The following MSH4 variants were observed in gnomAD, a reference collection of about 807,000 sequenced individuals.
MSH4 encodes mutS homolog 4.
Under a neutral mutation model 113.7 loss-of-function variants are expected in MSH4, and 106 were observed. That is an observed-to-expected ratio of 0.93 (90% CI 0.80 to 1.10). MSH4 has a LOEUF of 1.10. Ranked by LOEUF, MSH4 falls within the 50% of genes least tolerant of loss-of-function variation. The probability of loss-of-function intolerance (pLI) is 0.00; values close to 1 mark genes in which losing one functional copy is unlikely to be tolerated. For missense variants in MSH4, 1,061 were observed against 1,093.7 expected (o/e 0.97, Z 0.42); for synonymous variants, 368 against 380.2 (o/e 0.97, Z 0.37).
At chr1:75,884,923 C>A (rs993233154) in intron 15 of MSH4, among the ~76,000 whole-genome samples, 4 of 149,514 alleles carry the variant, frequency 2.7e-5, no homozygotes, top group Non-Finnish European at 5.9e-5. Context: ...CATAATACTT[C>A]GATTTGAATT....
intron 15 of MSH4, among the ~76,000 whole-genome samples, chr1:75,887,728 A>G (rs1003036540): frequency 4.6e-5 from 7 of 152,100 alleles, no homozygotes; most frequent in Admixed American, 3.3e-4. Context: ...AAATTAGCAA[A>G]TTGTCCCCAC....
chr1:75,840,805 C>A (rs61770533), intron 7 of MSH4, among the ~76,000 whole-genome samples: 1 of 151,928 alleles, frequency 6.6e-6, no homozygotes, highest in Non-Finnish European at 1.5e-5. Context: ...TATATCTGTC[C>A]TCAAGGACCT....
chr1:75,843,275 G>A (rs1004933754), intron 7 of MSH4, among the ~76,000 whole-genome samples: 5 of 152,130 alleles, frequency 3.3e-5, no homozygotes, highest in Non-Finnish European at 7.3e-5. Flanking sequence ...GGTCATAGTG[G>A]TCCCCTGGCC....
intron 4 of MSH4, 87 bp downstream of exon 4, chr1:75,810,894 C>G (rs1413725176): frequency 1.6e-6 from 1 of 622,056 alleles, no homozygotes; most frequent in Non-Finnish European, 2.5e-6. Context: ...TTTTTTGAGA[C>G]AGAGTTTCAC....
rs1166604169 is a variant in MSH4, at chr1:75,890,687, A to G, written c.2227-9A>G. On this transcript the variant is annotated splice_polypyrimidine_tract_variant and intron_variant, in intron 16 of 19. Coordinates refer to ENST00000263187, the MANE Select transcript of MSH4 (RefSeq NM_002440.4). Reference sequence around the variant, plus strand: ...TACAATGAATAAATATTAAAATTATATATTTCAGATAGCATATATTCTACA... The same window carrying G: ...TACAATGAATAAATATTAAAATTATGTATTTCAGATAGCATATATTCTACA... 1.4e-6 allele frequency: 2 copies of G among 1,397,478 alleles called. No individual in the cohort carries two copies. The highest frequency in any genetic ancestry group is 2.0e-6 in the Non-Finnish European group (2 of 1,022,280). 86.6% of individuals were successfully genotyped at this position (1,397,478 alleles called of 1,614,324 possible).
rs1557521550 is a variant in MSH4 at position 75,881,291 on chromosome 1, C to T, written c.1827C>T (p.Cys609=). 1.9e-6 allele frequency: 3 copies of T among 1,608,314 alleles called. No homozygotes were observed. The highest frequency in any genetic ancestry group is 2.6e-6 in the Non-Finnish European group (3 of 1,175,874). ...LLSEIYEHIH[C]LYKLSDTVSM... ...GTGAGATTTATGAACATATTCATTGCTTATATAAACTATCTGACACTGTGT... is the reference window on the plus strand; with the variant it reads ...GTGAGATTTATGAACATATTCATTGTTTATATAAACTATCTGACACTGTGT... Residue 609 remains cysteine (C), a synonymous_variant, in exon 14 of 20, where the codon TGC becomes TGT. Transcript: ENST00000263187.
intron 2 of MSH4, among the ~76,000 whole-genome samples, chr1:75,806,235 G>GTTTTTTTT (rs775023850): frequency 1.6e-5 from 1 of 60,748 alleles, no homozygotes; most frequent in African/African-American, 7.5e-5. Context: ...TTTCTGTTTG[G>GTTTTTTTT]TTTTTTTTTT....
In MSH4 at chr1:75,812,812, C is replaced by G. The variant is rs1020105249; in HGVS notation, c.699+2005C>G. Among the ~76,000 whole-genome samples, 8 of 152,224 alleles carry G rather than the reference C, an allele frequency of 5.3e-5. No homozygotes were observed. In the East Asian group the frequency reaches 1.5e-3, roughly 29 times the overall value. On this transcript the variant is annotated intron_variant, in intron 4 of 19. Coordinates refer to ENST00000263187, the MANE Select transcript of MSH4 (RefSeq NM_002440.4). ...ATTTTTAGGTGTTAAGTGGAATAAA[C>G]AGTAAATTTTTTTTGGCAGCCTGAG...
At chr1:75,903,688 C>G (rs533705959) in intron 19 of MSH4, among the ~76,000 whole-genome samples, 1 of 152,092 alleles carries the variant, frequency 6.6e-6, no homozygotes, top group South Asian at 2.1e-4. Context: ...TCTTCCAGTC[C>G]ATAAATGGGA....
chr1:75,861,570 G>A lies in MSH4; in HGVS notation c.1231-5944G>A, dbSNP rs144609038. On this transcript the variant is annotated intron_variant, in intron 8 of 19. Transcript: ENST00000263187. ...TTGCTGGAAGTCCACTCCAGACCCT[G>A]TTTGCCTGGATATCACCAGCAGAGG... Among the ~76,000 whole-genome samples, 893 of 152,296 alleles carry A rather than the reference G, an allele frequency of 5.9e-3. 7 individuals are homozygous for A. The highest frequency in any genetic ancestry group is 7.2e-3 in the Non-Finnish European group (490 of 68,026).
intron 4 of MSH4, among the ~76,000 whole-genome samples, chr1:75,814,810 G>A (rs1006181589): frequency 2.0e-5 from 3 of 152,014 alleles, no homozygotes; most frequent in Non-Finnish European, 2.9e-5. Context: ...AATCTCATAA[G>A]AGTAAGGTCT....
intron 18 of MSH4, among the ~76,000 whole-genome samples, chr1:75,899,009 G>A (rs187977590): frequency 1.1e-4 from 16 of 152,148 alleles, no homozygotes; most frequent in Admixed American, 7.2e-4. Flanking sequence ...AATTACTAAC[G>A]TCTCAATAAA....
intron 7 of MSH4, among the ~76,000 whole-genome samples, chr1:75,833,979 T>C (rs980716502): frequency 6.6e-6 from 1 of 152,060 alleles, no homozygotes. Flanking sequence ...AAAGAAACTA[T>C]CATCAGAGTG....
At position 75,808,628 on chromosome 1, in the gene MSH4, A is replaced by T. The variant is rs1396442210; in HGVS notation, c.588+1487A>T. Among the ~76,000 whole-genome samples, 27 of 152,128 alleles carry T rather than the reference A, an allele frequency of 1.8e-4. 1 individual carries two copies. The highest frequency in any genetic ancestry group is 4.4e-5 in the Non-Finnish European group (3 of 68,018). ...CTCTTTTGGGATTTTGACATTCAGG[A>T]TTATGGCATTTGAGATTGTGTCTTT... On this transcript the variant is annotated intron_variant, in intron 3 of 19. Coordinates refer to ENST00000263187, the MANE Select transcript of MSH4 (RefSeq NM_002440.4).
rs1232333258 is a variant in MSH4, at chr1:75,816,253, TG to T, written c.816-119del. On this transcript the variant is annotated intron_variant, in intron 5 of 19. Coordinates refer to ENST00000263187, the MANE Select transcript of MSH4 (RefSeq NM_002440.4). ...GTTTTCAAAAATATGAAATACCTGG[TG>T]TACCTTTTCCTTTTGAGTTTAAGCA... 5.7e-6 allele frequency: 3 copies of T among 530,294 alleles called. No homozygotes were observed. In the East Asian group the frequency reaches 1.0e-4, roughly 18 times the overall value. The allele number at this position is 530,294 out of a possible 1,614,324, so 32.8% of individuals were successfully genotyped here.
chr1:75,891,435 A>G (rs923630352), intron 17 of MSH4, among the ~76,000 whole-genome samples: 18 of 152,020 alleles, frequency 1.2e-4, no homozygotes, highest in African/African-American at 3.6e-4. Flanking sequence ...AAAGTCCATA[A>G]TGATTTATTT....
rs1447133379 is a variant in MSH4, at chr1:75,797,173, G to A, written c.188G>A (p.Arg63Gln). ...GGCACGTCAGGAGCTGCGGGCGACC[G>A]GAGCAGCAGCAGCAGCAGCCTTCCC... is the stretch of plus-strand genomic sequence containing the variant. ...CPGTSGAAGD[R>Q]SSSSSSLPCP... is the part of the protein sequence containing the mutation. Residue 63 changes from arginine (R) to glutamine (Q), a missense_variant, in exon 1 of 20, where the codon CGG (arginine) becomes CAG (glutamine). By Grantham distance (43) the Arg-to-Gln change is conservative. Coordinates refer to ENST00000263187, the MANE Select transcript of MSH4 (RefSeq NM_002440.4). The A allele has an allele frequency of 6.8e-6, 11 of 1,610,738 alleles. No individual in the cohort carries two copies. Among genetic ancestry groups the A allele is most frequent in the East Asian group, 2.2e-5 (1 of 44,774 alleles).
intron 7 of MSH4, among the ~76,000 whole-genome samples, chr1:75,840,728 AC>A (rs1650940675): frequency 6.7e-6 from 1 of 150,056 alleles, no homozygotes; most frequent in Non-Finnish European, 1.5e-5. Flanking sequence ...TTTAAAAAAA[AC>A]CCATTACCTC....
chr1:75,883,934 T>A, intron 15 of MSH4, 113 bp downstream of exon 15: 1 of 766,280 alleles, frequency 1.3e-6, no homozygotes, highest in South Asian at 1.9e-5. Flanking sequence ...TTGGAGCAGA[T>A]TCTGTTACCT....
Sources: allele counts gnomAD v4.1 joint callset (sites outside exome capture counted in the v4.1 genomes callset), GRCh38; gene constraint gnomAD v4.1.1; transcripts MANE v1.5; gene names NCBI Gene and HGNC (gene_info 2026-07-23, HGNC 2026-07-21).